PMFBP1: variants seen among roughly 807,000 people sequenced by gnomAD.
PMFBP1 encodes the protein polyamine modulated factor 1 binding protein 1.
PMFBP1 carries 131 observed loss-of-function variants against 137.8 expected under a neutral mutation model. The observed-to-expected ratio is 0.95, with a 90% confidence interval of 0.82 to 1.10. The LOEUF (loss-of-function observed/expected upper bound fraction) is 1.10, where lower values mean the gene tolerates loss of function less well. Among genes scored for constraint, PMFBP1 ranks in the 50% least tolerant of loss-of-function variants. PMFBP1 has a pLI of 0.00. For synonymous variants in PMFBP1, 490 were observed against 450.4 expected, an observed-to-expected ratio of 1.09 and a Z score of -1.11; for missense variants, 1,199 against 1,175.4, an observed-to-expected ratio of 1.02 and a Z score of -0.29.
At chr16:72,150,950 A>C in intron 4 of PMFBP1, 121 bp from the exon 5 acceptor site, 1 of 813,812 alleles carries the variant, frequency 1.2e-6, no homozygotes, top group Non-Finnish European at 2.1e-6. Context: ...GATGAACAGA[A>C]GAGAGGCTGC....
intron 5 of PMFBP1, among the ~76,000 whole-genome samples, chr16:72,141,518 T>C (rs994092362): frequency 1.3e-5 from 2 of 152,232 alleles, no homozygotes; most frequent in African/African-American, 2.4e-5. Flanking sequence ...ATTTACATAA[T>C]ATAAATGAAT....
chr16:72,136,868 G>C, intron 7 of PMFBP1, 49 bp from the exon 8 acceptor site: 1 of 1,610,296 alleles, frequency 6.2e-7, no homozygotes, highest in Non-Finnish European at 8.5e-7. Flanking sequence ...AGACAATGGA[G>C]AGTGCTTTCT....
At chr16:72,179,389 A>G (rs569440029), upstream of PMFBP1, among the ~76,000 whole-genome samples, 1 of 152,334 alleles carries the variant, frequency 6.6e-6, no homozygotes, top group African/African-American at 2.4e-5. Flanking sequence ...GTCAAACGCC[A>G]GCTCAGTTTT....
intron 2 of PMFBP1, among the ~76,000 whole-genome samples, chr16:72,168,705 C>T (rs941408465): frequency 3.9e-5 from 6 of 152,128 alleles, no homozygotes; most frequent in Admixed American, 1.3e-4. Flanking sequence ...CTTAGATACC[C>T]GGTTTCTCTT....
chr16:72,124,332 C>T (rs926949259), intron 17 of PMFBP1, among the ~76,000 whole-genome samples: 1 of 152,186 alleles, frequency 6.6e-6, no homozygotes, highest in East Asian at 1.9e-4. Flanking sequence ...CTTTGTAATT[C>T]GAGCAAAGGC....
At chr16:72,227,027 T>C in the PMFBP1 span, among the ~76,000 whole-genome samples, 1 of 151,988 alleles carries the variant, frequency 6.6e-6, no homozygotes, top group East Asian at 1.9e-4. Flanking sequence ...CTCATGAAAA[T>C]GTAACTAAAC....
the PMFBP1 span, among the ~76,000 whole-genome samples, chr16:72,223,654 G>A: frequency 1.7e-3 from 262 of 152,214 alleles, 1 homozygote; most frequent in African/African-American, 6.0e-3. Flanking sequence ...CATAAGTAAG[G>A]GCCAACAAGC....
In PMFBP1 at chr16:72,140,928, C is replaced by CTTTTTTTTTTTTT. The variant is rs35908141; in HGVS notation, c.637-359_637-347dup. 4.9e-4 allele frequency among the ~76,000 whole-genome samples: 34 copies of CTTTTTTTTTTTTT among 69,796 alleles called. 3 individuals are homozygous for CTTTTTTTTTTTTT. The highest frequency in any genetic ancestry group is 7.1e-4 in the Non-Finnish European group (28 of 39,210). The allele number at this position is 69,796 out of a possible 152,430, so 45.8% of individuals were successfully genotyped here. On this transcript the variant is annotated intron_variant, in intron 5 of 20. Transcript: ENST00000237353. ...CACTTTTTTTCTTACACAAATGAGT[C>CTTTTTTTTTTTTT]TTTTTTTTTTTTTTTTTTTTTTTTG...
chr16:72,160,334 T>C (rs1342329123), intron 3 of PMFBP1, among the ~76,000 whole-genome samples: 1 of 152,214 alleles, frequency 6.6e-6, no homozygotes, highest in Admixed American at 6.5e-5. Flanking sequence ...TTTAAAAAGA[T>C]GAGCACTTCA....
intron 18 of PMFBP1, among the ~76,000 whole-genome samples, chr16:72,123,291 C>T (rs2042403933): frequency 6.6e-6 from 1 of 152,186 alleles, no homozygotes; most frequent in Admixed American, 6.5e-5. Flanking sequence ...CCAATGTCCC[C>T]CTTCCTTCTT....
chr16:72,236,429 T>C, the PMFBP1 span, among the ~76,000 whole-genome samples: 1 of 152,168 alleles, frequency 6.6e-6, no homozygotes, highest in Non-Finnish European at 1.5e-5. Flanking sequence ...ACTTGCTAGT[T>C]TGTAAGTGGG....
At chr16:72,206,284 G>C in the PMFBP1 span, among the ~76,000 whole-genome samples, 1 of 152,174 alleles carries the variant, frequency 6.6e-6, no homozygotes, top group Non-Finnish European at 1.5e-5. Context: ...AGTCCTCATA[G>C]AATGTCTGAC....
At chr16:72,228,217 T>G in the PMFBP1 span, among the ~76,000 whole-genome samples, 1 of 152,094 alleles carries the variant, frequency 6.6e-6, no homozygotes, top group African/African-American at 2.4e-5. Context: ...CCCTAAAGCA[T>G]TTCTGAGGAA....
chr16:72,129,065 CCGT>C lies in PMFBP1; in HGVS notation c.1948_1950del (p.Thr650del), dbSNP rs765778625. On this transcript the variant is annotated inframe_deletion and splice_region_variant, in exon 13 of 21. Transcript: ENST00000237353. ...AGCTCTCCTGGGATTCTCCCACTCA[CCGT>C]CTTGTCTTTCTTTTTAAATTCCTGC... is the stretch of plus-strand genomic sequence containing the variant. The C allele has an allele frequency of 3.7e-6, 6 of 1,613,444 alleles. No individual in the cohort carries two copies. The highest frequency in any genetic ancestry group is 5.1e-6 in the Non-Finnish European group (6 of 1,179,772).
chr16:72,237,544 T>C, the PMFBP1 span, among the ~76,000 whole-genome samples: 5 of 152,280 alleles, frequency 3.3e-5, no homozygotes, highest in East Asian at 9.6e-4. Context: ...TTTATTTAGG[T>C]CTTCAATTTC....
chr16:72,181,693 T>G (rs768037561), upstream of PMFBP1, among the ~76,000 whole-genome samples: 22 of 152,336 alleles, frequency 1.4e-4, no homozygotes, highest in Admixed American at 1.3e-4. Context: ...TCATATTCAT[T>G]ATAAAATAAA....
At chr16:72,135,299 C>A (rs1436049229) in intron 9 of PMFBP1, among the ~76,000 whole-genome samples, 1 of 152,054 alleles carries the variant, frequency 6.6e-6, no homozygotes, top group East Asian at 1.9e-4. Context: ...CCTCAGCCTC[C>A]CAAGTAGCTG....
intron 19 of PMFBP1, chr16:72,120,299 G>T: frequency 1.3e-6 from 1 of 764,148 alleles, no homozygotes; most frequent in Non-Finnish European, 2.1e-6. Context: ...TGGACCAGGA[G>T]CTGGTACTCC....
At chr16:72,202,850 C>A in the PMFBP1 span, among the ~76,000 whole-genome samples, 2 of 152,336 alleles carry the variant, frequency 1.3e-5, no homozygotes, top group South Asian at 2.1e-4. Context: ...CTGCTATAGA[C>A]AGGTGTGTTC....
Sources: allele counts gnomAD v4.1 joint callset (sites outside exome capture counted in the v4.1 genomes callset), GRCh38; gene constraint gnomAD v4.1.1; transcripts MANE v1.5; gene names NCBI Gene and HGNC (gene_info 2026-07-23, HGNC 2026-07-21).